Variants in AKAP6 observed in about 807,000 individuals in gnomAD.
AKAP6 encodes A-kinase anchor protein 6.
In AKAP6, 58 loss-of-function variants were observed where a neutral mutation model predicts 188.5. That is an observed-to-expected ratio of 0.31 (90% CI 0.25 to 0.38). The LOEUF (loss-of-function observed/expected upper bound fraction) is 0.38, where lower values mean the gene tolerates loss of function less well. Ranked by LOEUF, AKAP6 falls within the 10% of genes least tolerant of loss-of-function variation. The probability of loss-of-function intolerance (pLI) is 1.00; values close to 1 mark genes in which losing one functional copy is unlikely to be tolerated. For missense variants in AKAP6, 2,710 were observed against 2,740.0 expected (o/e 0.99, Z 0.24); for synonymous variants, 989 against 998.6 (o/e 0.99, Z 0.18).
chr14:32,486,968 C>T (rs936252379), intron 2 of AKAP6, among the ~76,000 whole-genome samples: 1 of 152,106 alleles, frequency 6.6e-6, no homozygotes, highest in African/African-American at 2.4e-5. Context: ...ATAAATAGTT[C>T]TTATTATTGT....
At chr14:32,659,685 A>C (rs1888602703) in intron 7 of AKAP6, among the ~76,000 whole-genome samples, 1 of 152,090 alleles carries the variant, frequency 6.6e-6, no homozygotes, top group Non-Finnish European at 1.5e-5. Context: ...AACCTTTTCG[A>C]CATCTAGCAT....
chr14:32,575,927 T>C (rs981228035), intron 4 of AKAP6, among the ~76,000 whole-genome samples: 1 of 152,202 alleles, frequency 6.6e-6, no homozygotes, highest in Admixed American at 6.5e-5. Flanking sequence ...ACAATTTGTG[T>C]TCCTGAGTGT....
intron 3 of AKAP6, 85 bp from the exon 4 acceptor site, chr14:32,545,145 C>T (rs1883137442): frequency 6.8e-6 from 9 of 1,314,468 alleles, no homozygotes; most frequent in African/African-American, 1.5e-5. Flanking sequence ...CTTTATAGTG[C>T]CCTGTACTGC....
At chr14:32,451,875 G>C (rs1027106242) in intron 2 of AKAP6, among the ~76,000 whole-genome samples, 4 of 151,928 alleles carry the variant, frequency 2.6e-5, no homozygotes, top group Admixed American at 6.6e-5. Flanking sequence ...AATTCTATTG[G>C]ATAGTGCTGA....
At chr14:32,783,814 A>T (rs1208069175) in intron 12 of AKAP6, among the ~76,000 whole-genome samples, 2 of 152,150 alleles carry the variant, frequency 1.3e-5, no homozygotes, top group Admixed American at 1.3e-4. Context: ...TGAGATTTGA[A>T]CCTGGGAGCT....
At chr14:32,685,796 C>T (rs1185156519) in intron 8 of AKAP6, among the ~76,000 whole-genome samples, 1 of 150,392 alleles carries the variant, frequency 6.6e-6, no homozygotes, top group African/African-American at 2.4e-5. Flanking sequence ...ATAACAAATG[C>T]TGGCGAGGAT....
At chr14:32,500,399 A>C (rs1268804908) in intron 2 of AKAP6, among the ~76,000 whole-genome samples, 1 of 152,192 alleles carries the variant, frequency 6.6e-6, no homozygotes, top group Non-Finnish European at 1.5e-5. Flanking sequence ...GATTCTTATT[A>C]CAAGGACAGA....
At chr14:32,622,869 A>C (rs1036183142) in intron 7 of AKAP6, among the ~76,000 whole-genome samples, 2 of 152,196 alleles carry the variant, frequency 1.3e-5, no homozygotes, top group Non-Finnish European at 2.9e-5. Flanking sequence ...CTGAGTTTAC[A>C]ACAGGAAGCA....
chr14:32,714,306 G>A (rs2030063884), intron 9 of AKAP6, among the ~76,000 whole-genome samples: 1 of 151,980 alleles, frequency 6.6e-6, no homozygotes, highest in Non-Finnish European at 1.5e-5. Context: ...ATGTAACGCA[G>A]AGATACAAAA....
rs773363331 is a variant in AKAP6, at chr14:32,824,663, G to T, written c.6850G>T (p.Ala2284Ser). ...KSKVQDLSLK[A>S]NQPTDKAALH... ...TAAAGTTCAAGACCTCTCCTTGAAG[G>T]CAAATCAGCCAACAGACAAGGCCGC... is the stretch of plus-strand genomic sequence containing the variant. Residue 2284 changes from alanine (A) to serine (S), a missense_variant, in exon 13 of 14, where the codon GCA becomes TCA. By Grantham distance (99) the Ala-to-Ser change is moderately conservative. Transcript: ENST00000280979. The T allele has an allele frequency of 7.6e-5, 122 of 1,613,712 alleles. No individual in the cohort carries two copies. The highest frequency in any genetic ancestry group is 1.0e-4 in the Non-Finnish European group (120 of 1,179,892).
intron 5 of AKAP6, among the ~76,000 whole-genome samples, chr14:32,592,491 C>T (rs141879794): frequency 6.6e-6 from 1 of 152,198 alleles, no homozygotes; most frequent in Non-Finnish European, 1.5e-5. Flanking sequence ...AAGTGCCAGC[C>T]AGAGTAGAAT....
chr14:32,555,536 A>T (rs2139188490), intron 4 of AKAP6, among the ~76,000 whole-genome samples: 1 of 152,328 alleles, frequency 6.6e-6, no homozygotes, highest in African/African-American at 2.4e-5. Context: ...TGTAAAACAG[A>T]TCTCCAGAAC....
intron 12 of AKAP6, among the ~76,000 whole-genome samples, chr14:32,817,473 G>GTC (rs201590012): frequency 3.1e-4 from 46 of 150,364 alleles, no homozygotes; most frequent in East Asian, 9.8e-4. Flanking sequence ...GTGTGTGTGT[G>GTC]TGTGTGTGTG....
At chr14:32,591,281 A>G (rs548441742) in intron 5 of AKAP6, among the ~76,000 whole-genome samples, 1 of 152,300 alleles carries the variant, frequency 6.6e-6, no homozygotes, top group Admixed American at 6.5e-5. Flanking sequence ...TAATGTGGCC[A>G]TGCTGGGAAG....
rs1250996785 is a variant in AKAP6 at position 32,828,525 on chromosome 14, TCTCTCACACACACA to T, written c.*43-1321_*43-1308del. Among the ~76,000 whole-genome samples, 703 of 96,822 alleles carry T rather than the reference TCTCTCACACACACA, an allele frequency of 7.3e-3. 2 individuals carry two copies. Among genetic ancestry groups the T allele is most frequent in the African/African-American group, 0.017 (512 of 29,928 alleles). The allele number at this position is 96,822 out of a possible 152,430, so 63.5% of individuals were successfully genotyped here. A position where few individuals can be genotyped will look rare whatever the true frequency, so the allele number is the denominator to read the frequency against. On this transcript the variant is annotated intron_variant, in intron 13 of 13. Coordinates refer to ENST00000280979, the MANE Select transcript of AKAP6 (RefSeq NM_004274.5). Reference sequence around the variant, plus strand: ...TCATCTATCTCTCTCTCTCTCTCTCTCTCTCACACACACACACACACACACACACACACACACAC... The same window carrying T: ...TCATCTATCTCTCTCTCTCTCTCTCTCACACACACACACACACACACACAC...
chr14:32,456,496 A>T (rs1333320901), intron 2 of AKAP6, among the ~76,000 whole-genome samples: 5 of 152,234 alleles, frequency 3.3e-5, no homozygotes, highest in East Asian at 3.8e-4. Context: ...AACATGCAAA[A>T]TTTTTTGTTT....
At chr14:32,333,075 A>C (rs2138388045) in intron 1 of AKAP6, among the ~76,000 whole-genome samples, 1 of 152,244 alleles carries the variant, frequency 6.6e-6, no homozygotes, top group South Asian at 2.1e-4. Context: ...CACAGGGCTC[A>C]TTAGCCTTTT....
At chr14:32,778,724 T>C (rs890587066) in intron 12 of AKAP6, among the ~76,000 whole-genome samples, 3 of 150,446 alleles carry the variant, frequency 2.0e-5, no homozygotes, top group African/African-American at 7.3e-5. Context: ...TTTTTTTTTT[T>C]TTTGGAGAGA....
chr14:32,786,296 A>ATGTTTGTTTTTTTTTTTTTT, intron 12 of AKAP6, among the ~76,000 whole-genome samples: 1 of 93,718 alleles, frequency 1.1e-5, no homozygotes, highest in South Asian at 3.7e-4. Context: ...CTAAACCTTT[A>ATGTTTGTTTTTTTTTTTTTT]TCTTTTTTTT....
Sources: gnomAD v4.1 joint callset for allele counts (sites outside exome capture counted in the v4.1 genomes callset) on GRCh38, gnomAD v4.1.1 for gene constraint, MANE v1.5 for transcripts, NCBI Gene and HGNC (gene_info 2026-07-23, HGNC 2026-07-21) for gene names.